Variants in UTP4 observed in about 807,000 individuals in gnomAD.
UTP4 encodes the protein U3 small nucleolar RNA-associated protein 4 homolog.
UTP4 carries 45 observed loss-of-function variants against 82.4 expected under a neutral mutation model. The ratio of observed to expected loss-of-function variants is 0.55; its 90% CI spans 0.43 to 0.70. The LOEUF (loss-of-function observed/expected upper bound fraction) is 0.70, where lower values mean the gene tolerates loss of function less well. Ranked by LOEUF, UTP4 falls within the 30% of genes least tolerant of loss-of-function variation. The probability of loss-of-function intolerance (pLI) is 0.00; values close to 1 mark genes in which losing one functional copy is unlikely to be tolerated. For missense variants in UTP4, 819 were observed against 858.3 expected (o/e 0.95, Z 0.57); for synonymous variants, 348 against 300.3 (o/e 1.16, Z -1.64).
rs548920548 is a variant in UTP4, at chr16:69,168,975, C to T, written c.*38C>T. 4 of 1,239,726 alleles carry T rather than the reference C, an allele frequency of 3.2e-6. No homozygotes were observed. In the Middle Eastern group the frequency reaches 5.6e-4, roughly 174 times the overall value. 76.8% of individuals were successfully genotyped at this position (1,239,726 alleles called of 1,614,324 possible). A position where few individuals can be genotyped will look rare whatever the true frequency, so the allele number is the denominator to read the frequency against. The stretch of plus-strand genomic sequence containing the variant: ...TCTGTGTCCTTCCTTGAACTGTCTA[C>T]CCTGTTGCTTTTCACAAATCATGGT... On this transcript the variant is annotated 3_prime_UTR_variant, in exon 17 of 17. Transcript: ENST00000314423.
At chr16:69,150,478 T>G in intron 6 of UTP4, 59 bp from the exon 7 acceptor site, 1 of 1,592,788 alleles carries the variant, frequency 6.3e-7, no homozygotes, top group Non-Finnish European at 8.6e-7. Flanking sequence ...CCTCGGAATA[T>G]TTTTCCAACC....
intron 14 of UTP4, 34 bp downstream of exon 14, chr16:69,163,212 C>T (rs747456681): frequency 6.6e-7 from 1 of 1,526,622 alleles, no homozygotes. Context: ...TATTCCCTTC[C>T]TGCTGGATAG....
intron 6 of UTP4, among the ~76,000 whole-genome samples, chr16:69,143,636 A>G (rs1447623905): frequency 6.6e-6 from 1 of 152,234 alleles, no homozygotes; most frequent in African/African-American, 2.4e-5. Context: ...GCTCACTTCC[A>G]GTTCGTCTTG....
chr16:69,155,799 G>A (rs1461710021), intron 10 of UTP4, 72 bp from the exon 11 acceptor site: 6 of 1,551,840 alleles, frequency 3.9e-6, no homozygotes, highest in Admixed American at 1.7e-5. Flanking sequence ...AAGAGCTTGA[G>A]GCGTCATGTC....
intron 5 of UTP4, among the ~76,000 whole-genome samples, chr16:69,140,462 T>A (rs1323722467): frequency 6.6e-6 from 1 of 152,146 alleles, no homozygotes; most frequent in Admixed American, 6.5e-5. Flanking sequence ...ATGCCTGTAA[T>A]CCCAGCACTT....
rs1410373894 is a variant in UTP4 at position 69,165,328 on chromosome 16, T to C, written c.1648-13T>C. 1.9e-6 allele frequency: 3 copies of C among 1,613,526 alleles called. No individual in the cohort carries two copies. Among genetic ancestry groups the C allele is most frequent in the African/African-American group, 2.7e-5 (2 of 74,922 alleles). On this transcript the variant is annotated splice_polypyrimidine_tract_variant and intron_variant, in intron 14 of 16. Transcript: ENST00000314423. ...TACCAGCCTGCATTTCTCTATGTCATGTCCTCCCTCAGGTATTTGAGTACA... is the reference window on the plus strand; with the variant it reads ...TACCAGCCTGCATTTCTCTATGTCACGTCCTCCCTCAGGTATTTGAGTACA...
At chr16:69,138,235 CT>C (rs535515310) in intron 4 of UTP4, among the ~76,000 whole-genome samples, 165 of 139,286 alleles carry the variant, frequency 1.2e-3, no homozygotes, top group Middle Eastern at 3.6e-3. Context: ...TCTTTTCTTT[CT>C]TTTTTTTTTT....
intron 6 of UTP4, among the ~76,000 whole-genome samples, chr16:69,147,355 A>G (rs1963146321): frequency 1.3e-5 from 2 of 151,498 alleles, no homozygotes; most frequent in Admixed American, 6.6e-5. Context: ...ATACAAAAAA[A>G]TTAGCTGGGC....
At chr16:69,136,603 G>T in intron 2 of UTP4, 93 bp from the exon 3 acceptor site, 1 of 1,193,694 alleles carries the variant, frequency 8.4e-7, no homozygotes, top group South Asian at 1.2e-5. Flanking sequence ...AGTTATTTAT[G>T]GGGAAGTTGT....
rs375258733 is a variant in UTP4 at position 69,154,353 on chromosome 16, T to G, written c.1100-40T>G. 3.0e-5 allele frequency: 45 copies of G among 1,492,352 alleles called. No homozygotes were observed. In the Admixed American group the frequency reaches 3.7e-4, roughly 12 times the overall value. The allele number at this position is 1,492,352 out of a possible 1,614,324, so 92.4% of individuals were successfully genotyped here. ...AGAAGAAAAATGTACAAATACTCTT[T>G]CTTTCATAAGAAAAATCTCAGGGAA... is the stretch of plus-strand genomic sequence containing the variant. On this transcript the variant is annotated intron_variant, in intron 9 of 16. Transcript: ENST00000314423.
At chr16:69,143,432 T>C (rs751180363) in intron 6 of UTP4, 43 bp downstream of exon 6, 2 of 1,563,092 alleles carry the variant, frequency 1.3e-6, no homozygotes, top group Non-Finnish European at 8.8e-7. Context: ...TACACCCTTG[T>C]GGGGTGAGTT....
intron 10 of UTP4, among the ~76,000 whole-genome samples, chr16:69,155,419 C>T (rs1433514902): frequency 6.6e-6 from 1 of 152,160 alleles, no homozygotes; most frequent in African/African-American, 2.4e-5. Context: ...TCCACCTCAG[C>T]CTCCCAAAGT....
intron 5 of UTP4, among the ~76,000 whole-genome samples, chr16:69,140,195 T>C (rs1204991823): frequency 6.6e-6 from 1 of 152,184 alleles, no homozygotes; most frequent in Admixed American, 6.5e-5. Context: ...CTATAAACAG[T>C]AGAATTACCT....
chr16:69,133,268 C>G (rs574555593), intron 1 of UTP4, among the ~76,000 whole-genome samples, 190 bp from the exon 2 acceptor site: 5 of 151,844 alleles, frequency 3.3e-5, no homozygotes, highest in African/African-American at 1.2e-4. Flanking sequence ...CCTTATTATT[C>G]AAGCCATTCT....
intron 10 of UTP4, among the ~76,000 whole-genome samples, chr16:69,155,040 TC>T (rs1277096548): frequency 2.6e-5 from 4 of 152,216 alleles, no homozygotes; most frequent in African/African-American, 9.6e-5. Context: ...TTTTAAAAAC[TC>T]AAATAGTACA....
At chr16:69,157,905 T>TTTTTTTTTTTTTTTTTTTTG (rs1555494409) in intron 12 of UTP4, among the ~76,000 whole-genome samples, 1 of 150,662 alleles carries the variant, frequency 6.6e-6, no homozygotes, top group Non-Finnish European at 1.5e-5. Context: ...AAAGTATTCT[T>TTTTTTTTTTTTTTTTTTTTG]ATACATACAG....
At position 69,165,352 on chromosome 16, in the gene UTP4, C is replaced by T. The variant is rs752256322; in HGVS notation, c.1659C>T (p.Tyr553=). 1.2e-5 allele frequency: 20 copies of T among 1,614,110 alleles called. No homozygotes were observed. The highest frequency in any genetic ancestry group is 1.6e-5 in the Non-Finnish European group (19 of 1,179,990). The change falls in exon 15 of 17, where the codon TAC becomes TAT. Residue 553 remains tyrosine (Y), a synonymous_variant. Coordinates refer to ENST00000314423, the MANE Select transcript of UTP4 (RefSeq NM_032830.3). ...ATGTCCTCCCTCAGGTATTTGAGTACAGCATCCCAGACAAACAGTATACAG... is the reference window on the plus strand; with the variant it reads ...ATGTCCTCCCTCAGGTATTTGAGTATAGCATCCCAGACAAACAGTATACAG... ...IAHSDQQVFE[Y]SIPDKQYTDW... is the part of the protein sequence containing the mutation.
intron 6 of UTP4, 93 bp from the exon 7 acceptor site, chr16:69,150,444 C>T: frequency 3.7e-6 from 5 of 1,368,198 alleles, no homozygotes; most frequent in South Asian, 2.3e-5. Context: ...CATAGGTTTA[C>T]CCCTAAGCTG....
At chr16:69,142,801 G>A (rs766278683) in intron 5 of UTP4, among the ~76,000 whole-genome samples, 12 of 152,272 alleles carry the variant, frequency 7.9e-5, no homozygotes, top group Middle Eastern at 3.4e-3. Flanking sequence ...TGTCCCAAAT[G>A]TCTCTTTCCA....
Sources: gnomAD v4.1 joint callset for allele counts (sites outside exome capture counted in the v4.1 genomes callset) on GRCh38, gnomAD v4.1.1 for gene constraint, MANE v1.5 for transcripts, NCBI Gene and HGNC (gene_info 2026-07-23, HGNC 2026-07-21) for gene names.